Variants in SGCZ observed in about 807,000 individuals in gnomAD.
SGCZ encodes sarcoglycan zeta, also known as zeta-sarcoglycan.
Under a neutral mutation model 41.3 loss-of-function variants are expected in SGCZ, and 40 were observed. That is an observed-to-expected ratio of 0.97 (90% CI 0.75 to 1.26). The LOEUF (loss-of-function observed/expected upper bound fraction) is 1.26. Among genes scored for constraint, SGCZ ranks in the 50% most tolerant of loss-of-function variants. The pLI is 0.00. For synonymous variants in SGCZ, 206 were observed against 137.5 expected, an observed-to-expected ratio of 1.50 and a Z score of -3.49; for missense variants, 552 against 369.8, an observed-to-expected ratio of 1.49 and a Z score of -4.04.
intron 1 of SGCZ, among the ~76,000 whole-genome samples, chr8:15,049,572 A>T (rs931616385): frequency 6.6e-6 from 1 of 152,188 alleles, no homozygotes; most frequent in African/African-American, 2.4e-5. Context: ...GAGTGGAAGC[A>T]TGGAGACCAA....
At chr8:14,736,937 C>G (rs1346242878) in intron 1 of SGCZ, among the ~76,000 whole-genome samples, 1 of 151,700 alleles carries the variant, frequency 6.6e-6, no homozygotes, top group Non-Finnish European at 1.5e-5. Flanking sequence ...ATGTTTATAG[C>G]AGCACAATTC....
At chr8:14,758,613 C>T (rs1011250421) in intron 1 of SGCZ, among the ~76,000 whole-genome samples, 27 of 152,118 alleles carry the variant, frequency 1.8e-4, no homozygotes, top group Admixed American at 2.6e-4. Context: ...TTAAGTTTTG[C>T]CTCACACAGT....
At chr8:14,402,423 T>A (rs1799103591) in intron 2 of SGCZ, among the ~76,000 whole-genome samples, 2 of 151,822 alleles carry the variant, frequency 1.3e-5, no homozygotes, top group African/African-American at 4.9e-5. Context: ...TGGTTTTAGG[T>A]CGAACGTTTA....
chr8:15,141,562 G>A (rs148088699), intron 1 of SGCZ, among the ~76,000 whole-genome samples: 1 of 152,340 alleles, frequency 6.6e-6, no homozygotes, highest in East Asian at 1.9e-4. Flanking sequence ...CCTAGATTCT[G>A]TCTGGGGATC....
intron 1 of SGCZ, among the ~76,000 whole-genome samples, chr8:14,940,799 T>C (rs1275629975): frequency 6.6e-6 from 1 of 151,896 alleles, no homozygotes; most frequent in East Asian, 1.9e-4. Flanking sequence ...ACACTTTAAA[T>C]GAAGTCAGAA....
At chr8:14,727,752 T>C (rs374463482) in intron 1 of SGCZ, among the ~76,000 whole-genome samples, 1 of 152,188 alleles carries the variant, frequency 6.6e-6, no homozygotes, top group African/African-American at 2.4e-5. Context: ...GACCTCGTGA[T>C]CCACCCGCCT....
chr8:14,494,552 G>C (rs1017818439), intron 2 of SGCZ, among the ~76,000 whole-genome samples: 1 of 151,842 alleles, frequency 6.6e-6, no homozygotes, highest in South Asian at 2.1e-4. Context: ...ACACACACAC[G>C]CTCCTTACAG....
chr8:14,189,586 G>C (rs1177617421), intron 4 of SGCZ, among the ~76,000 whole-genome samples: 2 of 152,090 alleles, frequency 1.3e-5, no homozygotes, highest in Admixed American at 6.5e-5. Context: ...GTTTTATTTA[G>C]CTTTTCATAA....
intron 3 of SGCZ, among the ~76,000 whole-genome samples, chr8:14,257,270 G>A (rs1585288218): frequency 1.3e-5 from 2 of 151,922 alleles, no homozygotes; most frequent in Admixed American, 6.6e-5. Flanking sequence ...GGTTGAGGCT[G>A]CAGTGAACCG....
intron 1 of SGCZ, among the ~76,000 whole-genome samples, chr8:15,005,067 G>A (rs964747010): frequency 6.6e-6 from 1 of 152,060 alleles, no homozygotes; most frequent in Non-Finnish European, 1.5e-5. Flanking sequence ...CACTTCACAC[G>A]GTGCGCTAGA....
intron 1 of SGCZ, among the ~76,000 whole-genome samples, chr8:14,868,554 T>C (rs1181543275): frequency 6.6e-6 from 1 of 152,146 alleles, no homozygotes; most frequent in Non-Finnish European, 1.5e-5. Flanking sequence ...AATCGAGTAA[T>C]TGATTTTCTG....
At chr8:14,358,162 C>T (rs1382422302) in intron 2 of SGCZ, among the ~76,000 whole-genome samples, 1 of 152,170 alleles carries the variant, frequency 6.6e-6, no homozygotes, top group Non-Finnish European at 1.5e-5. Context: ...TAATTGGTTA[C>T]ATGACAGTGC....
chr8:14,891,741 A>G (rs1254303712), intron 1 of SGCZ, among the ~76,000 whole-genome samples: 1 of 152,168 alleles, frequency 6.6e-6, no homozygotes, highest in East Asian at 1.9e-4. Flanking sequence ...TAAAAGGAAG[A>G]GTCAATCAAT....
intron 1 of SGCZ, among the ~76,000 whole-genome samples, chr8:14,847,765 G>A (rs748532945): frequency 1.3e-4 from 16 of 125,898 alleles, no homozygotes; most frequent in African/African-American, 4.6e-4. Context: ...GAGGGGAGCC[G>A]CAGCTAACAT....
chr8:14,568,871 G>T (rs555621013), intron 1 of SGCZ, among the ~76,000 whole-genome samples: 2 of 152,266 alleles, frequency 1.3e-5, no homozygotes, highest in African/African-American at 4.8e-5. Context: ...GGATGAATAT[G>T]TGCAGAAAGA....
chr8:14,423,897 C>T (rs927717520), intron 2 of SGCZ, among the ~76,000 whole-genome samples: 1 of 151,658 alleles, frequency 6.6e-6, no homozygotes. Flanking sequence ...TCCTTTCTCC[C>T]TGCTAAGTAC....
chr8:14,801,186 T>A (rs972103319), intron 1 of SGCZ, among the ~76,000 whole-genome samples: 1 of 152,134 alleles, frequency 6.6e-6, no homozygotes, highest in Non-Finnish European at 1.5e-5. Flanking sequence ...TGTGTTTGTG[T>A]TGTGTGTGTA....
At chr8:14,303,714 A>C (rs1016248266) in intron 3 of SGCZ, among the ~76,000 whole-genome samples, 1 of 151,974 alleles carries the variant, frequency 6.6e-6, no homozygotes, top group African/African-American at 2.4e-5. Flanking sequence ...AAATAGCAAA[A>C]TCTCTCTCTA....
intron 4 of SGCZ, among the ~76,000 whole-genome samples, chr8:14,192,325 ACTAC>A (rs1282086005): frequency 2.0e-5 from 3 of 151,956 alleles, no homozygotes; most frequent in African/African-American, 7.2e-5. Context: ...CAGCTGGACA[ACTAC>A]CATCAAATAT....
Sources: gnomAD v4.1 joint callset for allele counts (sites outside exome capture counted in the v4.1 genomes callset) on GRCh38, gnomAD v4.1.1 for gene constraint, MANE v1.5 for transcripts, NCBI Gene and HGNC (gene_info 2026-07-23, HGNC 2026-07-21) for gene names.